The following KCNIP4 variants were observed in gnomAD, a reference collection of about 807,000 sequenced individuals.
KCNIP4 encodes the protein Kv channel-interacting protein 4.
KCNIP4 carries 12 observed loss-of-function variants against 34.0 expected under a neutral mutation model. That is an observed-to-expected ratio of 0.35 (90% CI 0.23 to 0.57). The LOEUF is 0.57. Among genes scored for constraint, KCNIP4 ranks in the 20% least tolerant of loss-of-function variants. The pLI is 0.83. For missense variants in KCNIP4, 238 were observed against 311.7 expected (o/e 0.76, Z 1.78); for synonymous variants, 124 against 102.2 (o/e 1.21, Z -1.29).
intron 1 of KCNIP4, among the ~76,000 whole-genome samples, chr4:21,666,743 T>C (rs1748990934): frequency 6.6e-6 from 1 of 152,196 alleles, no homozygotes; most frequent in Non-Finnish European, 1.5e-5. Context: ...AAAGCTGTCT[T>C]TTATATGAAA....
At chr4:21,714,908 T>A in intron 1 of KCNIP4, among the ~76,000 whole-genome samples, 3 of 230 alleles carry the variant, frequency 0.013, no homozygotes, top group African/African-American at 0.1. Context: ...TATTTTATTT[T>A]ATTTTATTTT....
chr4:21,829,441 G>A (rs1180974609), intron 1 of KCNIP4, among the ~76,000 whole-genome samples: 2 of 151,768 alleles, frequency 1.3e-5, no homozygotes, highest in African/African-American at 4.8e-5. Flanking sequence ...AAGGTATAAG[G>A]GTAACTAGTA....
At chr4:20,873,105 A>G (rs902770850) in intron 2 of KCNIP4, among the ~76,000 whole-genome samples, 1 of 152,084 alleles carries the variant, frequency 6.6e-6, no homozygotes, top group African/African-American at 2.4e-5. Flanking sequence ...TGTGTTTCAA[A>G]TTTATCCTCT....
chr4:21,479,743 C>G (rs1731271620), intron 1 of KCNIP4, among the ~76,000 whole-genome samples: 1 of 151,918 alleles, frequency 6.6e-6, no homozygotes. Flanking sequence ...ACCAAATCTT[C>G]AAATTAATAG....
At chr4:21,544,410 T>C (rs1219258764) in intron 1 of KCNIP4, 2 of 152,214 alleles carry the variant, frequency 1.3e-5, no homozygotes, top group East Asian at 1.9e-4. Flanking sequence ...GTTGGACGTC[T>C]GGACACACTT....
At chr4:21,279,300 G>T (rs796288626) in intron 1 of KCNIP4, among the ~76,000 whole-genome samples, 14 of 152,084 alleles carry the variant, frequency 9.2e-5, no homozygotes, top group African/African-American at 3.4e-4. Flanking sequence ...TTTTCTTCTT[G>T]TGTATTTTTC....
chr4:21,019,350 G>T (rs970733765), intron 1 of KCNIP4, among the ~76,000 whole-genome samples: 1 of 151,878 alleles, frequency 6.6e-6, no homozygotes, highest in Admixed American at 6.6e-5. Context: ...TAAAGACGGG[G>T]TTTCACCACG....
intron 3 of KCNIP4, among the ~76,000 whole-genome samples, chr4:20,774,469 G>A (rs554737602): frequency 2.7e-4 from 41 of 152,226 alleles, no homozygotes; most frequent in South Asian, 2.1e-3. Context: ...ATTAATGCAG[G>A]ACATGTTTTT....
At chr4:21,147,939 C>T (rs906557673) in intron 1 of KCNIP4, among the ~76,000 whole-genome samples, 5 of 31,014 alleles carry the variant, frequency 1.6e-4, no homozygotes. Context: ...AACTCCGTCT[C>T]AAAAAAAAAA....
chr4:21,095,297 T>G (rs900894828), intron 1 of KCNIP4, among the ~76,000 whole-genome samples: 7 of 152,206 alleles, frequency 4.6e-5, no homozygotes, highest in African/African-American at 1.7e-4. Flanking sequence ...AAGAAGAATT[T>G]CAGAGAAGCT....
chr4:21,111,566 G>A (rs1749169932), intron 1 of KCNIP4, among the ~76,000 whole-genome samples: 1 of 152,178 alleles, frequency 6.6e-6, no homozygotes, highest in Non-Finnish European at 1.5e-5. Flanking sequence ...AGGCAGACTG[G>A]CCTGCCTCAG....
intron 1 of KCNIP4, among the ~76,000 whole-genome samples, chr4:21,686,102 C>G (rs578142421): frequency 1.3e-5 from 2 of 152,260 alleles, no homozygotes; most frequent in South Asian, 4.1e-4. Context: ...AAAACAGGCT[C>G]TATGTATCTT....
intron 3 of KCNIP4, among the ~76,000 whole-genome samples, chr4:20,768,337 C>T (rs189461197): frequency 5.3e-5 from 8 of 152,168 alleles, no homozygotes; most frequent in Admixed American, 2.0e-4. Flanking sequence ...ATGGGGGTTC[C>T]GATATCCCCA....
intron 1 of KCNIP4, among the ~76,000 whole-genome samples, chr4:21,218,288 T>A (rs1757754409): frequency 6.6e-6 from 1 of 152,164 alleles, no homozygotes; most frequent in Admixed American, 6.6e-5. Flanking sequence ...GTGCTGGGAT[T>A]ACAGACATGA....
intron 1 of KCNIP4, among the ~76,000 whole-genome samples, chr4:21,420,994 T>A (rs1426569237): frequency 6.6e-6 from 1 of 152,158 alleles, no homozygotes; most frequent in East Asian, 1.9e-4. Flanking sequence ...AAATAGACAT[T>A]TCTTTAAAGA....
intron 1 of KCNIP4, among the ~76,000 whole-genome samples, chr4:21,059,423 A>C (rs2108967475): frequency 6.6e-6 from 1 of 152,116 alleles, no homozygotes; most frequent in African/African-American, 2.4e-5. Context: ...CATGGCTTAC[A>C]TTTTCTGCTG....
At chr4:21,211,310 C>A (rs915945406) in intron 1 of KCNIP4, among the ~76,000 whole-genome samples, 3 of 152,134 alleles carry the variant, frequency 2.0e-5, no homozygotes, top group Non-Finnish European at 4.4e-5. Context: ...GGGCTCCCAA[C>A]CCCCGGGCCA....
intron 1 of KCNIP4, among the ~76,000 whole-genome samples, chr4:21,861,656 CAAAAAA>C (rs59277001): frequency 3.0e-5 from 3 of 101,320 alleles, no homozygotes; most frequent in Admixed American, 1.1e-4. Context: ...GACTCCGTCT[CAAAAAA>C]AAAAAAAAAA....
intron 1 of KCNIP4, among the ~76,000 whole-genome samples, chr4:21,127,117 T>C (rs968322331): frequency 1.2e-4 from 18 of 152,168 alleles, no homozygotes; most frequent in Admixed American, 7.9e-4. Context: ...AGGCCAAGTC[T>C]TACTCATCAC....
Sources: gnomAD v4.1 joint callset for allele counts (sites outside exome capture counted in the v4.1 genomes callset) on GRCh38, gnomAD v4.1.1 for gene constraint, MANE v1.5 for transcripts, NCBI Gene and HGNC (gene_info 2026-07-23, HGNC 2026-07-21) for gene names.